The following PFKFB2 variants were observed in gnomAD, a reference collection of about 807,000 sequenced individuals.
The protein encoded by PFKFB2 is 6-phosphofructo-2-kinase/fructose-2,6-bisphosphatase 2.
A neutral mutation model predicts 68.0 loss-of-function variants in PFKFB2; 53 were observed. That is an observed-to-expected ratio of 0.78 (90% CI 0.63 to 0.98). The LOEUF is 0.98. Among genes scored for constraint, PFKFB2 ranks in the 50% least tolerant of loss-of-function variants. The probability of loss-of-function intolerance (pLI) is 0.00; values close to 1 mark genes in which losing one functional copy is unlikely to be tolerated. For synonymous variants in PFKFB2, 222 were observed against 227.6 expected (o/e 0.98, Z 0.22); for missense variants, 451 against 642.0 (o/e 0.70, Z 3.22).
upstream of PFKFB2, chr1:207,049,622 G>A (rs751635990): frequency 1.9e-6 from 3 of 1,614,194 alleles, no homozygotes; most frequent in Admixed American, 5.0e-5. Context: ...GTTCTGGTAA[G>A]CACAGGCAAA....
In PFKFB2 at chr1:207,063,281, G is replaced by A. The variant is rs1683171303; in HGVS notation, c.376-66G>A. Reference sequence around the variant, plus strand: ...CAGCCTGGCTACCCAGCCCCACCTTGAGTCTGCCCTGGTGGGGTTCTGTTT... The same window carrying A: ...CAGCCTGGCTACCCAGCCCCACCTTAAGTCTGCCCTGGTGGGGTTCTGTTT... On this transcript the variant is annotated intron_variant, in intron 5 of 14. Coordinates refer to ENST00000367080, the MANE Select transcript of PFKFB2 (RefSeq NM_006212.2). This position sits in a 1 kb window ranked among gnomAD's most constrained non-coding sequence, Gnocchi z 4.1. 6.3e-7 allele frequency: 1 copy of A among 1,582,506 alleles called. No individual in the cohort carries two copies. The highest frequency in any genetic ancestry group is 8.7e-7 in the Non-Finnish European group (1 of 1,151,226).
chr1:207,051,063 G>A (rs1440403945), upstream of PFKFB2: 3 of 1,471,902 alleles, frequency 2.0e-6, no homozygotes, highest in East Asian at 2.5e-5. Flanking sequence ...CAGTTATCGC[G>A]ACGCTTCGGT....
rs2102286326 is a variant in PFKFB2, at chr1:207,074,888, G to A, written c.*2517G>A. On this transcript the variant is annotated 3_prime_UTR_variant, in exon 15 of 15. Transcript: ENST00000367080. ...GTTGTCCTATGGCTATGAGACTACA[G>A]GGGTTGGGGGATGGGGATGCCCCCA... 1.0e-6 allele frequency: 1 copy of A among 985,514 alleles called. No homozygotes were observed. Among genetic ancestry groups the A allele is most frequent in the Non-Finnish European group, 1.2e-6 (1 of 829,980 alleles). 61.0% of individuals were successfully genotyped at this position (985,514 alleles called of 1,614,324 possible).
chr1:207,036,936 G>A lies in PFKFB2; in HGVS notation c.-62+2464G>A, dbSNP rs1252541323. 6.6e-5 allele frequency among the ~76,000 whole-genome samples: 10 copies of A among 152,260 alleles called. No individual in the cohort carries two copies. In the East Asian group the frequency reaches 7.7e-4, roughly 12 times the overall value. On this transcript the variant is annotated intron_variant, in intron 1 of 5. Transcript: ENST00000545806. ...GAAAGTTAGCAGCTCACTAACTTCC[G>A]AAATGTTGTTGCTATTATTTACCCC...
In PFKFB2 at chr1:207,076,853, A is replaced by G; in HGVS notation, c.*4482A>G. The G allele has an allele frequency of 1.0e-6, 1 of 985,390 alleles. No homozygotes were observed. The highest frequency in any genetic ancestry group is 1.7e-5 in the African/African-American group (1 of 57,358). The allele number at this position is 985,390 out of a possible 1,614,324, so 61.0% of individuals were successfully genotyped here. Reference sequence around the variant, plus strand: ...AACGGTCTAGGGTCTGTAAGCTGACAGTCTGCCTGCTTTCTGATTGTATCC... The same window carrying G: ...AACGGTCTAGGGTCTGTAAGCTGACGGTCTGCCTGCTTTCTGATTGTATCC... On this transcript the variant is annotated 3_prime_UTR_variant, in exon 15 of 15. Coordinates refer to ENST00000367080, the MANE Select transcript of PFKFB2 (RefSeq NM_006212.2).
In PFKFB2 at chr1:207,071,571, A is replaced by G. The variant is rs760767079; in HGVS notation, c.1348A>G (p.Thr450Ala). The G allele has an allele frequency of 2.5e-6, 4 of 1,612,400 alleles. No individual in the cohort carries two copies. The highest frequency in any genetic ancestry group is 1.3e-5 in the African/African-American group (1 of 74,980). ...TGTGAACACGCACCGTGACAAGCCA[A>G]CTGTAAGTATTTTCCCACGATGAAC... ...EAVNTHRDKP[T>A]NNFPKNQTPV... is the part of the protein sequence containing the mutation. Residue 450 changes from threonine (T) to alanine (A), a missense_variant and splice_region_variant, in exon 14 of 15, where the codon ACT becomes GCT. By Grantham distance (58) the Thr-to-Ala change is moderately conservative. Coordinates refer to ENST00000367080, the MANE Select transcript of PFKFB2 (RefSeq NM_006212.2).
intron 8 of PFKFB2, among the ~76,000 whole-genome samples, chr1:207,065,872 C>T (rs986795506): frequency 1.2e-4 from 18 of 152,144 alleles, no homozygotes; most frequent in African/African-American, 2.7e-4. Context: ...AGAGGTTCCC[C>T]GGGGGGCACA....
At position 207,072,821 on chromosome 1, in the gene PFKFB2, G is replaced by A; in HGVS notation, c.*450G>A. 1 of 992,370 alleles carries A rather than the reference G, an allele frequency of 1.0e-6. No homozygotes were observed. Among genetic ancestry groups the A allele is most frequent in the Non-Finnish European group, 1.2e-6 (1 of 834,456 alleles). 61.5% of individuals were successfully genotyped at this position (992,370 alleles called of 1,614,324 possible). A position where few individuals can be genotyped will look rare whatever the true frequency, so the allele number is the denominator to read the frequency against. ...TCCTTCACTTTTGTCTCTTCAATGT[G>A]TGTTTTCCTCACACTCCTTACTTGA... On this transcript the variant is annotated 3_prime_UTR_variant, in exon 15 of 15. Coordinates refer to ENST00000367080, the MANE Select transcript of PFKFB2 (RefSeq NM_006212.2).
intron 2 of PFKFB2, among the ~76,000 whole-genome samples, chr1:207,055,620 CAGTT>C (rs1682895025): frequency 6.7e-6 from 1 of 148,160 alleles, no homozygotes; most frequent in Non-Finnish European, 1.5e-5. Flanking sequence ...TCCTGTCAGT[CAGTT>C]CTTCTCACTT....
At position 207,062,421 on chromosome 1, in the gene PFKFB2, G is replaced by A. The variant is rs888135906; in HGVS notation, c.212-199G>A. ...GCTGAGGAAATTGAAACCTCAGACA[G>A]CTTAAGACTTGTCCAAGGTCTAGAA... On this transcript the variant is annotated intron_variant, in intron 3 of 14. Transcript: ENST00000367080. 4 of 775,230 alleles carry A rather than the reference G, an allele frequency of 5.2e-6. No homozygotes were observed. In the East Asian group the frequency reaches 1.0e-4, roughly 19 times the overall value. The allele number at this position is 775,230 out of a possible 1,614,324, so 48.0% of individuals were successfully genotyped here.
intron 1 of PFKFB2, among the ~76,000 whole-genome samples, chr1:207,039,247 T>C (rs76218475): frequency 5.8e-4 from 89 of 152,294 alleles, no homozygotes; most frequent in South Asian, 2.5e-3. Flanking sequence ...GGAGAGGTAA[T>C]TCAATCCAAT....
downstream of PFKFB2, chr1:207,077,922 C>A: frequency 4.8e-6 from 2 of 419,444 alleles, no homozygotes; most frequent in Non-Finnish European, 6.4e-6. Context: ...CAGACTCAGA[C>A]AAGCCAACAG....
At chr1:207,038,708 T>C (rs1682424047) in intron 1 of PFKFB2, among the ~76,000 whole-genome samples, 2 of 152,334 alleles carry the variant, frequency 1.3e-5, no homozygotes, top group South Asian at 4.1e-4. Flanking sequence ...AGACAGGTAA[T>C]GTGCTGATGT....
intron 8 of PFKFB2, 61 bp downstream of exon 8, chr1:207,065,221 C>A: frequency 6.3e-7 from 1 of 1,592,294 alleles, no homozygotes; most frequent in South Asian, 1.1e-5. Context: ...GGAAAATAAC[C>A]TTTCTCCCTG....
In PFKFB2 at chr1:207,063,065, C is replaced by A; in HGVS notation, c.309-78C>A. ...AACTAAGTGGGCAGGGATGTGACTT[C>A]TGTAGCCACCCGAATGTTTGTGTCT... On this transcript the variant is annotated intron_variant, in intron 4 of 14. Transcript: ENST00000367080. This position sits in a 1 kb window ranked among gnomAD's most constrained non-coding sequence, Gnocchi z 4.1. The A allele has an allele frequency of 8.2e-7, 1 of 1,223,628 alleles. No homozygotes were observed. The highest frequency in any genetic ancestry group is 1.2e-6 in the Non-Finnish European group (1 of 826,354). The allele number at this position is 1,223,628 out of a possible 1,614,324, so 75.8% of individuals were successfully genotyped here.
chr1:207,050,778 C>CG (rs1558054514), upstream of PFKFB2: 2 of 1,613,438 alleles, frequency 1.2e-6, no homozygotes, highest in Non-Finnish European at 8.5e-7. Context: ...CGCTGACCGC[C>CG]GGGGGCGATC....
At chr1:207,049,296 T>C (rs1682675950), upstream of PFKFB2, 1 of 1,614,022 alleles carries the variant, frequency 6.2e-7, no homozygotes, top group South Asian at 1.1e-5. Flanking sequence ...GCAGAACCCT[T>C]TTGGTATATC....
chr1:207,058,110 T>C (rs1682984496), intron 2 of PFKFB2, among the ~76,000 whole-genome samples: 1 of 152,248 alleles, frequency 6.6e-6, no homozygotes, highest in African/African-American at 2.4e-5. Flanking sequence ...GCATCAACTA[T>C]AGCCATAGTG....
chr1:207,038,543 A>T (rs968336616), intron 1 of PFKFB2, among the ~76,000 whole-genome samples: 1 of 152,174 alleles, frequency 6.6e-6, no homozygotes, highest in Non-Finnish European at 1.5e-5. Context: ...CCTCTATTTG[A>T]AATGATTTTA....
Sources: allele counts gnomAD v4.1 joint callset (sites outside exome capture counted in the v4.1 genomes callset), GRCh38; gene constraint gnomAD v4.1.1; non-coding constraint Gnocchi (gnomAD v3.1); transcripts MANE v1.5; gene names NCBI Gene and HGNC (gene_info 2026-07-23, HGNC 2026-07-21).